Variants in LY75 observed in about 807,000 individuals in gnomAD.
LY75 encodes the protein C-type lectin domain family 13 member B.
LY75 carries 185 observed loss-of-function variants against 231.7 expected under a neutral mutation model. The ratio of observed to expected loss-of-function variants is 0.80; its 90% CI spans 0.71 to 0.90. LY75 has a LOEUF of 0.90. LY75 is among the 40% of genes least tolerant of loss of function. LY75 has a pLI of 0.00. For missense variants in LY75, 1,947 were observed against 2,050.2 expected (o/e 0.95, Z 0.97); for synonymous variants, 668 against 689.0 (o/e 0.97, Z 0.48).
chr2:159,858,497 C>A, intron 15 of LY75, 21 bp from the exon 16 acceptor site: 2 of 1,599,916 alleles, frequency 1.3e-6, no homozygotes, highest in East Asian at 2.2e-5. Context: ...AAAAGTATTG[C>A]AGAATATTTT....
intron 12 of LY75, among the ~76,000 whole-genome samples, chr2:159,874,626 A>G (rs1216363363): frequency 5.7e-4 from 9 of 15,814 alleles, no homozygotes; most frequent in Non-Finnish European, 5.1e-4. Flanking sequence ...ATATATATAT[A>G]GTAAATATAT....
chr2:159,814,093 A>G (rs1560062196), intron 31 of LY75: 1 of 152,260 alleles, frequency 6.6e-6, no homozygotes, highest in East Asian at 1.9e-4. Flanking sequence ...GATTCTTCAG[A>G]GCAGAAAACA....
chr2:159,902,277 C>T (rs2125888495), intron 1 of LY75: 1 of 152,244 alleles, frequency 6.6e-6, no homozygotes, highest in South Asian at 2.1e-4. Context: ...TGAAGAGAAG[C>T]CTCATTACCC....
In LY75 at chr2:159,878,619, AC is replaced by A. The variant is rs1685343817; in HGVS notation, c.1604+13del. Reference sequence around the variant, plus strand: ...GTTGAAAGTTTATGAGTACAAGTTTACTGATGGTCACACCTGCTAGTGATAG... The same window carrying A: ...GTTGAAAGTTTATGAGTACAAGTTTATGATGGTCACACCTGCTAGTGATAG... On this transcript the variant is annotated intron_variant, in intron 10 of 34. Coordinates refer to ENST00000263636, the MANE Select transcript of LY75 (RefSeq NM_002349.4). The A allele has an allele frequency of 2.5e-6, 4 of 1,613,844 alleles. No homozygotes were observed. Among genetic ancestry groups the A allele is most frequent in the Non-Finnish European group, 2.5e-6 (3 of 1,179,946 alleles).
In LY75 at chr2:159,882,328, C is replaced by A. The variant is rs1342799155; in HGVS notation, c.1055-13G>T. 1 of 1,610,386 alleles carries A rather than the reference C, an allele frequency of 6.2e-7. No individual in the cohort carries two copies. The highest frequency in any genetic ancestry group is 1.1e-5 in the South Asian group (1 of 90,446). ...TATGTCCAGACATCTGGGGGAAAAG[C>A]AGCTATTTATATTCCAGTAAAGATA... On this transcript the variant is annotated splice_polypyrimidine_tract_variant and intron_variant, in intron 6 of 34. Transcript: ENST00000263636.
rs894460132 is a variant in LY75 at position 159,874,079 on chromosome 2, T to C, written c.1974+1365A>G. Among the ~76,000 whole-genome samples, 2 of 134,052 alleles carry C rather than the reference T, an allele frequency of 1.5e-5. 1 individual carries two copies. Among genetic ancestry groups the C allele is most frequent in the African/African-American group, 5.4e-5 (2 of 37,098 alleles). 87.9% of individuals were successfully genotyped at this position (134,052 alleles called of 152,430 possible). ...AACGTATATATTTTGTAAAAATATA[T>C]AAACGTATATATTTTGTAAATATAT... is the stretch of plus-strand genomic sequence containing the variant. On this transcript the variant is annotated intron_variant, in intron 12 of 34. Transcript: ENST00000263636.
chr2:159,810,649 A>C lies in LY75; in HGVS notation c.4576T>G (p.Ser1526Ala), dbSNP rs372855090. 3.1e-6 allele frequency: 5 copies of C among 1,613,836 alleles called. No individual in the cohort carries two copies. The East Asian group carries it at 1.1e-4, about 36-fold the overall frequency. ...KSKKLSRLTY[S>A]SRCPAAKENG... Reference sequence around the variant, plus strand: ...TCTTTTGCTGCTGGACATCTTGATGAATATGTAAGACGGGACAGCTTTTTA... The same window carrying C: ...TCTTTTGCTGCTGGACATCTTGATGCATATGTAAGACGGGACAGCTTTTTA... Residue 1526 changes from serine to alanine, a missense_variant, in exon 32 of 35, where the codon TCA becomes GCA. Physicochemically the swap from Ser to Ala is moderately conservative, Grantham distance 99 (BLOSUM62 1). Coordinates refer to ENST00000263636, the MANE Select transcript of LY75 (RefSeq NM_002349.4).
chr2:159,822,974 T>G (rs1683345069), intron 28 of LY75, among the ~76,000 whole-genome samples: 1 of 151,938 alleles, frequency 6.6e-6, no homozygotes, highest in Non-Finnish European at 1.5e-5. Flanking sequence ...GGTAGATAAA[T>G]CCACAAAGAT....
At chr2:159,853,507 C>A (rs764249465) in intron 19 of LY75, 123 bp downstream of exon 19, 8 of 1,508,746 alleles carry the variant, frequency 5.3e-6, no homozygotes, top group Non-Finnish European at 7.2e-6. Context: ...GGCTTGGTTT[C>A]TCTAATTTAG....
chr2:159,885,150 T>C lies in LY75; in HGVS notation c.1054+3A>G, dbSNP rs757475028. ...TATTTGTATGAGTATGTGAGAAAGA[T>C]ACCTGTTAACTCCACTGTATTATTT... is the stretch of plus-strand genomic sequence containing the variant. On this transcript the variant is annotated splice_donor_region_variant and intron_variant, in intron 6 of 34. Coordinates refer to ENST00000263636, the MANE Select transcript of LY75 (RefSeq NM_002349.4). 4 of 1,611,906 alleles carry C rather than the reference T, an allele frequency of 2.5e-6. No homozygotes were observed. The highest frequency in any genetic ancestry group is 2.7e-5 in the African/African-American group (2 of 74,844).
intron 8 of LY75, among the ~76,000 whole-genome samples, chr2:159,880,827 C>T (rs969148923): frequency 6.6e-6 from 1 of 152,126 alleles, no homozygotes; most frequent in Non-Finnish European, 1.5e-5. Context: ...AGGGTTCACC[C>T]TCCTAGGAGA....
intron 27 of LY75, among the ~76,000 whole-genome samples, chr2:159,833,598 G>A (rs567537510): frequency 6.6e-6 from 1 of 152,248 alleles, no homozygotes; most frequent in Admixed American, 6.5e-5. Flanking sequence ...AGTTACTAGT[G>A]CTAATTAGAA....
chr2:159,843,087 A>G (rs1015828230), intron 23 of LY75, among the ~76,000 whole-genome samples: 17 of 152,098 alleles, frequency 1.1e-4, no homozygotes, highest in Non-Finnish European at 2.2e-4. Flanking sequence ...GTGTATTATT[A>G]AATATATTCT....
Position 159,819,946 on chromosome 2 carries a change from G to T in LY75, c.3959-26C>A, listed in dbSNP as rs372756314. The T allele has an allele frequency of 7.7e-6, 12 of 1,558,000 alleles. No homozygotes were observed. The African/African-American group carries it at 1.7e-4, about 22-fold the overall frequency. On this transcript the variant is annotated intron_variant, in intron 28 of 34. Coordinates refer to ENST00000263636, the MANE Select transcript of LY75 (RefSeq NM_002349.4). Reference sequence around the variant, plus strand: ...CTAGAGAAGAAACATTTTTTCCTATGCTTAGAGATTAAATCAAGACTTGAA... The same window carrying T: ...CTAGAGAAGAAACATTTTTTCCTATTCTTAGAGATTAAATCAAGACTTGAA...
intron 11 of LY75, among the ~76,000 whole-genome samples, chr2:159,876,315 T>C (rs1685266208): frequency 6.6e-6 from 1 of 152,172 alleles, no homozygotes; most frequent in Non-Finnish European, 1.5e-5. Context: ...TGACAAAACA[T>C]CATGTTCCAT....
rs544014198 is a variant in LY75, at chr2:159,904,728, G to A, written c.-46C>T. On this transcript the variant is annotated 5_prime_UTR_variant, in exon 1 of 35. Coordinates refer to ENST00000263636, the MANE Select transcript of LY75 (RefSeq NM_002349.4). ...CCGGCCGGGTCCTCGGGCGCACGCGGCTCCCGCCCCGCCTGCTGAGCGCGG... is the reference window on the plus strand; with the variant it reads ...CCGGCCGGGTCCTCGGGCGCACGCGACTCCCGCCCCGCCTGCTGAGCGCGG... 2 of 1,372,954 alleles carry A rather than the reference G, an allele frequency of 1.5e-6. No individual in the cohort carries two copies. Among genetic ancestry groups the A allele is most frequent in the Non-Finnish European group, 9.3e-7 (1 of 1,070,006 alleles). 85.0% of individuals were successfully genotyped at this position (1,372,954 alleles called of 1,614,324 possible). A position where few individuals can be genotyped will look rare whatever the true frequency, so the allele number is the denominator to read the frequency against.
intron 3 of LY75, 93 bp from the exon 4 acceptor site, chr2:159,890,470 A>G: frequency 1.3e-6 from 2 of 1,553,944 alleles, no homozygotes. Flanking sequence ...CAATTTGCAT[A>G]CTCTTAGGAT....
chr2:159,805,345 G>T lies in LY75; in HGVS notation c.4991-123C>A, dbSNP rs1038083389. 3 of 616,780 alleles carry T rather than the reference G, an allele frequency of 4.9e-6. No individual in the cohort carries two copies. The African/African-American group carries it at 5.5e-5, about 11-fold the overall frequency. The allele number at this position is 616,780 out of a possible 1,614,324, so 38.2% of individuals were successfully genotyped here. A position where few individuals can be genotyped will look rare whatever the true frequency, so the allele number is the denominator to read the frequency against. Reference sequence around the variant, plus strand: ...AGCTGTATACAGACATAATAAATCTGATTGTTTCATAGCGCTAACATAGAA... The same window carrying T: ...AGCTGTATACAGACATAATAAATCTTATTGTTTCATAGCGCTAACATAGAA... On this transcript the variant is annotated intron_variant, in intron 34 of 34. Coordinates refer to ENST00000263636, the MANE Select transcript of LY75 (RefSeq NM_002349.4).
intron 26 of LY75, among the ~76,000 whole-genome samples, chr2:159,834,845 A>T (rs949628259): frequency 3.3e-4 from 50 of 152,216 alleles, no homozygotes; most frequent in African/African-American, 1.2e-3. Context: ...CTGGATCACA[A>T]TAAGTCCCTT....
Sources: gnomAD v4.1 joint callset for allele counts (sites outside exome capture counted in the v4.1 genomes callset) on GRCh38, gnomAD v4.1.1 for gene constraint, MANE v1.5 for transcripts, NCBI Gene and HGNC (gene_info 2026-07-23, HGNC 2026-07-21) for gene names.